Variants in HK1 observed in about 807,000 individuals in gnomAD.
HK1 encodes the protein hexokinase-1.
In HK1, 28 loss-of-function variants were observed where a neutral mutation model predicts 91.6. The observed-to-expected ratio is 0.31, with a 90% confidence interval of 0.23 to 0.42. The LOEUF (loss-of-function observed/expected upper bound fraction) is 0.42. HK1 is among the 10% of genes least tolerant of loss of function. The pLI is 1.00. For missense variants in HK1, 770 were observed against 1,219.8 expected (o/e 0.63, Z 5.49); for synonymous variants, 430 against 468.1 (o/e 0.92, Z 1.05).
At chr10:69,353,010 AATACAGGTGCTAGGAGAATCTTTG>A (rs1848955361) in intron 2 of HK1, among the ~76,000 whole-genome samples, 1 of 152,188 alleles carries the variant, frequency 6.6e-6, no homozygotes, top group Non-Finnish European at 1.5e-5. Flanking sequence ...TTTCTTGAGC[AATACAGGTGCTAGGAGAATCTTTG>A]ATCCTGGTCC....
At chr10:69,327,208 C>T in intron 1 of HK1, among the ~76,000 whole-genome samples, 1 of 151,916 alleles carries the variant, frequency 6.6e-6, no homozygotes, top group East Asian at 1.9e-4. Flanking sequence ...TCAGGCTGGT[C>T]TCAAAATCCT....
intron 4 of HK1, among the ~76,000 whole-genome samples, chr10:69,365,713 T>C (rs769627542): frequency 2.0e-5 from 3 of 152,166 alleles, no homozygotes; most frequent in African/African-American, 7.2e-5. Context: ...AAGTTAGCTG[T>C]GTGCGTTAAC....
At chr10:69,364,210 G>A (rs1406955118) in intron 3 of HK1, among the ~76,000 whole-genome samples, 2 of 152,224 alleles carry the variant, frequency 1.3e-5, no homozygotes, top group Admixed American at 6.5e-5. Context: ...TACATGGATA[G>A]CTGCAGCTTG....
At chr10:69,383,918 G>A (rs949990447) in intron 10 of HK1, among the ~76,000 whole-genome samples, 1 of 152,274 alleles carries the variant, frequency 6.6e-6, no homozygotes, top group African/African-American at 2.4e-5. Flanking sequence ...TCCCAGGGGA[G>A]GAGAAATTGA....
rs778986505 is a variant in HK1 at position 69,379,986 on chromosome 10, G to A, written c.1156G>A (p.Val386Met). ...TIVSFRSANL[V>M]AATLGAILNR... ...TGTCTCATTTCGCTCAGCCAACTTG[G>A]TGGCTGCCACACTGGGCGCCATCTT... The change falls in exon 9 of 18, where the codon GTG (valine) becomes ATG (methionine). Residue 386 changes from valine (V) to methionine (M), a missense_variant. Around this residue, in one of 7 missense-constraint regions of HK1, gnomAD observed 449 missense variants for 665.1 expected, o/e 0.68. Transcript: ENST00000359426. 3 of 1,614,154 alleles carry A rather than the reference G, an allele frequency of 1.9e-6. 1 individual carries two copies. The highest frequency in any genetic ancestry group is 2.5e-6 in the Non-Finnish European group (3 of 1,180,000).
At chr10:69,385,021 T>A in intron 12 of HK1, 106 bp downstream of exon 12, 1 of 1,261,342 alleles carries the variant, frequency 7.9e-7, no homozygotes, top group African/African-American at 1.5e-5. Context: ...CATTCCTAGA[T>A]GACAGTCACA....
intron 16 of HK1, among the ~76,000 whole-genome samples, chr10:69,397,456 T>C (rs1398896151): frequency 6.6e-6 from 1 of 151,454 alleles, no homozygotes; most frequent in Non-Finnish European, 1.5e-5. Context: ...AAAAAAAAAG[T>C]AATCAAACTT....
chr10:69,379,297 TAG>T (rs1359317297), intron 8 of HK1, among the ~76,000 whole-genome samples: 8 of 152,152 alleles, frequency 5.3e-5, no homozygotes, highest in African/African-American at 1.9e-4. Context: ...GCTGCAAAGA[TAG>T]AGTGTATGTA....
At chr10:69,342,213 G>A (rs955678284) in intron 1 of HK1, among the ~76,000 whole-genome samples, 2 of 148,668 alleles carry the variant, frequency 1.3e-5, no homozygotes, top group African/African-American at 5.0e-5. Flanking sequence ...AAACACCAGT[G>A]TTAAGGTCTT....
At chr10:69,296,593 C>T (rs1178272208) in intron 4 of HK1, among the ~76,000 whole-genome samples, 1 of 152,106 alleles carries the variant, frequency 6.6e-6, no homozygotes, top group Non-Finnish European at 1.5e-5. Flanking sequence ...TGGTCAACCC[C>T]GTCTTGGGTC....
intron 2 of HK1, among the ~76,000 whole-genome samples, chr10:69,348,747 T>C (rs1197016606): frequency 6.6e-6 from 1 of 151,774 alleles, no homozygotes; most frequent in Non-Finnish European, 1.5e-5. Context: ...GGAGGCAGAG[T>C]TGCAGTGAGC....
At chr10:69,328,586 G>A (rs767613173) in intron 1 of HK1, among the ~76,000 whole-genome samples, 2 of 152,214 alleles carry the variant, frequency 1.3e-5, no homozygotes, top group East Asian at 1.9e-4. Context: ...GATAGAGCCA[G>A]CATTCAGCCT....
chr10:69,386,414 G>A lies in HK1; in HGVS notation c.1931G>A (p.Arg644Lys), dbSNP rs1287676847. ...VTLLRDAIKR[R>K]EEFDLDVVAV... ...TTACTAAGGGATGCGATAAAAAGGA[G>A]AGAGGTAACTATTAAAAGAATGTTT... The change falls in exon 13 of 18, where the codon AGA (arginine) becomes AAA (lysine). Residue 644 changes from arginine (R) to lysine (K), a missense_variant. Coordinates refer to ENST00000359426, the MANE Select transcript of HK1 (RefSeq NM_000188.3). The A allele has an allele frequency of 4.4e-6, 7 of 1,606,526 alleles. No homozygotes were observed. In the Admixed American group the frequency reaches 1.2e-4, roughly 27 times the overall value.
chr10:69,309,974 C>T (rs554798038), intron 5 of HK1, among the ~76,000 whole-genome samples: 5 of 150,874 alleles, frequency 3.3e-5, no homozygotes, highest in East Asian at 2.0e-4. Context: ...TGCTTGAACC[C>T]GGGAGGCGGA....
Position 69,276,119 on chromosome 10 carries a change from A to AAATATATATATG in HK1, c.-391+6011_-391+6012insAATATATATATG, listed in dbSNP as rs1844448552. Among the ~76,000 whole-genome samples the AAATATATATATG allele has an allele frequency of 1.9e-4, 3 of 15,882 alleles. 1 individual carries two copies. Among genetic ancestry groups the AAATATATATATG allele is most frequent in the Non-Finnish European group, 3.4e-4 (3 of 8,844 alleles). The allele number at this position is 15,882 out of a possible 152,430, so 10.4% of individuals were successfully genotyped here. On this transcript the variant is annotated intron_variant, in intron 1 of 21. Transcript: ENST00000360289. ...AAAAAAAAAAAAAAAAAAAAAAAAA[A>AAATATATATATG]TACATATATATATATATATACACAT...
intron 3 of HK1, among the ~76,000 whole-genome samples, chr10:69,363,703 G>A (rs1374008396): frequency 6.6e-6 from 1 of 152,106 alleles, no homozygotes; most frequent in Non-Finnish European, 1.5e-5. Flanking sequence ...GAGATGAAGG[G>A]AATTATTAGA....
intron 1 of HK1, among the ~76,000 whole-genome samples, chr10:69,325,526 ATTT>A (rs766090878): frequency 1.6e-5 from 2 of 125,918 alleles, no homozygotes. Flanking sequence ...CCTGGCCTGC[ATTT>A]TTTTTTTTTT....
intron 16 of HK1, among the ~76,000 whole-genome samples, 178 bp downstream of exon 16, chr10:69,395,283 A>C (rs1015149218): frequency 1.3e-5 from 2 of 152,142 alleles, no homozygotes; most frequent in Non-Finnish European, 2.9e-5. Flanking sequence ...TTTTATTATA[A>C]ATTACTTTTC....
At chr10:69,284,259 G>A (rs1844908638) in intron 2 of HK1, among the ~76,000 whole-genome samples, 1 of 152,174 alleles carries the variant, frequency 6.6e-6, no homozygotes, top group Non-Finnish European at 1.5e-5. Flanking sequence ...TGACTGCTGT[G>A]AGCCTCAGTT....
Sources: gnomAD v4.1 joint callset for allele counts (sites outside exome capture counted in the v4.1 genomes callset) on GRCh38, gnomAD v4.1.1 for gene constraint, gnomAD v4.1.1 regional missense constraint, MANE v1.5 for transcripts, NCBI Gene and HGNC (gene_info 2026-07-23, HGNC 2026-07-21) for gene names.